The following HIVEP3 variants were observed in gnomAD, a reference collection of about 807,000 sequenced individuals.
HIVEP3 encodes HIVEP zinc finger 3, also known as transcription factor HIVEP3.
A neutral mutation model predicts 152.8 loss-of-function variants in HIVEP3; 49 were observed. The ratio of observed to expected loss-of-function variants is 0.32; its 90% CI spans 0.26 to 0.41. HIVEP3 has a LOEUF of 0.41. Among genes scored for constraint, HIVEP3 ranks in the 10% least tolerant of loss-of-function variants. HIVEP3 has a pLI of 1.00. For synonymous variants in HIVEP3, 1,269 were observed against 1,289.0 expected, an observed-to-expected ratio of 0.98 and a Z score of 0.33; for missense variants, 2,790 against 3,103.3, an observed-to-expected ratio of 0.90 and a Z score of 2.40.
At chr1:42,028,177 T>C (rs949370487) in intron 1 of HIVEP3, among the ~76,000 whole-genome samples, 2 of 152,224 alleles carry the variant, frequency 1.3e-5, no homozygotes, top group Non-Finnish European at 2.9e-5. Context: ...CTAATATATT[T>C]TATTTTTTGT....
intron 7 of HIVEP3, among the ~76,000 whole-genome samples, chr1:41,516,927 C>A (rs1008864708): frequency 6.6e-6 from 1 of 152,266 alleles, no homozygotes; most frequent in Non-Finnish European, 1.5e-5. Flanking sequence ...ACAGGCAGGG[C>A]CCCTGCTCTA....
At chr1:41,686,031 A>C (rs1419190327) in intron 2 of HIVEP3, among the ~76,000 whole-genome samples, 1 of 151,278 alleles carries the variant, frequency 6.6e-6, no homozygotes, top group Non-Finnish European at 1.5e-5. Flanking sequence ...TGGGTTCTAG[A>C]CTGTGGTTTT....
intron 5 of HIVEP3, among the ~76,000 whole-genome samples, chr1:41,525,731 C>A (rs1205340282): frequency 2.0e-5 from 3 of 152,212 alleles, no homozygotes; most frequent in Non-Finnish European, 2.9e-5. Flanking sequence ...AATCAGAATG[C>A]TCTTATTTCC....
At chr1:41,734,133 C>T (rs1175888995) in intron 1 of HIVEP3, among the ~76,000 whole-genome samples, 1 of 152,182 alleles carries the variant, frequency 6.6e-6, no homozygotes, top group East Asian at 1.9e-4. Context: ...AGAGGCTGCA[C>T]CCACCAGGCC....
At chr1:41,957,788 TC>T (rs1484070144) in intron 1 of HIVEP3, among the ~76,000 whole-genome samples, 1 of 152,210 alleles carries the variant, frequency 6.6e-6, no homozygotes, top group Non-Finnish European at 1.5e-5. Context: ...TCTGAATCAC[TC>T]CCTGAGTCAG....
At chr1:41,549,875 T>C (rs1643877100) in intron 5 of HIVEP3, among the ~76,000 whole-genome samples, 2 of 152,248 alleles carry the variant, frequency 1.3e-5, no homozygotes, top group Non-Finnish European at 2.9e-5. Flanking sequence ...GCTCTTTAGT[T>C]TAATTAGATC....
chr1:41,880,912 TTCTTG>T (rs1352908915), intron 1 of HIVEP3, among the ~76,000 whole-genome samples: 2 of 152,194 alleles, frequency 1.3e-5, no homozygotes, highest in African/African-American at 4.8e-5. Flanking sequence ...AAATCTAAAT[TTCTTG>T]ATAACCAAAC....
chr1:41,801,459 C>T (rs1650297292), intron 1 of HIVEP3, among the ~76,000 whole-genome samples: 1 of 152,122 alleles, frequency 6.6e-6, no homozygotes, highest in African/African-American at 2.4e-5. Context: ...CTGAGAATGC[C>T]CCCCAGGTAG....
At chr1:41,537,004 G>A (rs1643417990) in intron 5 of HIVEP3, among the ~76,000 whole-genome samples, 1 of 152,196 alleles carries the variant, frequency 6.6e-6, no homozygotes, top group South Asian at 2.1e-4. Flanking sequence ...AATACAAGAG[G>A]CGGATCCAGC....
At chr1:41,772,093 G>A (rs1159644043) in intron 1 of HIVEP3, among the ~76,000 whole-genome samples, 1 of 152,180 alleles carries the variant, frequency 6.6e-6, no homozygotes, top group East Asian at 1.9e-4. Flanking sequence ...AGTAGGCCAT[G>A]CTTGACCTCC....
intron 2 of HIVEP3, among the ~76,000 whole-genome samples, chr1:41,696,600 G>A (rs369062359): frequency 3.3e-5 from 5 of 152,204 alleles, no homozygotes; most frequent in African/African-American, 7.2e-5. Flanking sequence ...GCAGCCACCC[G>A]GGCAGGAGCG....
intron 5 of HIVEP3, among the ~76,000 whole-genome samples, chr1:41,557,267 C>T (rs1643981062): frequency 6.6e-6 from 1 of 152,176 alleles, no homozygotes; most frequent in Admixed American, 6.5e-5. Flanking sequence ...CTGGTCCCTG[C>T]CTTTAAGGAG....
intron 2 of HIVEP3, among the ~76,000 whole-genome samples, chr1:41,667,449 G>A (rs77107732): frequency 0.034 from 5,108 of 152,382 alleles, 132 homozygotes; most frequent in Non-Finnish European, 0.053. Flanking sequence ...ACAGGGCTCA[G>A]CAGGCCCCAG....
chr1:41,989,466 C>T (rs952381674), intron 1 of HIVEP3, among the ~76,000 whole-genome samples: 7 of 152,152 alleles, frequency 4.6e-5, no homozygotes, highest in African/African-American at 1.7e-4. Flanking sequence ...GAAGACTGCA[C>T]TACACAAGAA....
chr1:41,623,195 G>A (rs958784277), intron 3 of HIVEP3, among the ~76,000 whole-genome samples: 6 of 152,174 alleles, frequency 3.9e-5, no homozygotes, highest in Admixed American at 2.0e-4. Flanking sequence ...TACCCCAGCC[G>A]AGTCAGGCAG....
chr1:41,753,103 C>T (rs1464981495), intron 1 of HIVEP3, among the ~76,000 whole-genome samples: 1 of 152,196 alleles, frequency 6.6e-6, no homozygotes, highest in East Asian at 1.9e-4. Context: ...AGAACAGTGG[C>T]AGGTAACTTG....
intron 3 of HIVEP3, among the ~76,000 whole-genome samples, chr1:41,589,613 C>T (rs984612912): frequency 6.6e-6 from 1 of 152,236 alleles, no homozygotes; most frequent in African/African-American, 2.4e-5. Flanking sequence ...TGGGCTCTCT[C>T]AGGTAGACAA....
Position 41,513,189 on chromosome 1 carries a change from G to A in HIVEP3, c.6032C>T (p.Pro2011Leu). The change falls in exon 8 of 9, where the codon CCT (proline) becomes CTT (leucine). Residue 2011 changes from proline to leucine, a missense_variant. By Grantham distance (98) the Pro-to-Leu change is moderately conservative (BLOSUM62 -3). Around this residue, in one of 9 missense-constraint regions of HIVEP3, gnomAD observed 816 missense variants for 806.5 expected, o/e 1.01. Transcript: ENST00000372583. ...CCTTCCTGGGTCCACGTGCAGGCCA[G>A]GTGGGCTTGGGGCTGAGGCCTGTGG... ...REPQASAPSP[P>L]GLHVDPGRGM... 6.2e-7 allele frequency: 1 copy of A among 1,613,928 alleles called. No homozygotes were observed. The highest frequency in any genetic ancestry group is 8.5e-7 in the Non-Finnish European group (1 of 1,180,016).
At chr1:41,608,667 C>T (rs1436564990) in intron 3 of HIVEP3, among the ~76,000 whole-genome samples, 1 of 152,234 alleles carries the variant, frequency 6.6e-6, no homozygotes, top group Non-Finnish European at 1.5e-5. Flanking sequence ...TCTGATTGCT[C>T]TGTCTGTGCA....
Sources: gnomAD v4.1 joint callset for allele counts (sites outside exome capture counted in the v4.1 genomes callset) on GRCh38, gnomAD v4.1.1 for gene constraint, gnomAD v4.1.1 regional missense constraint, MANE v1.5 for transcripts, NCBI Gene and HGNC (gene_info 2026-07-23, HGNC 2026-07-21) for gene names.